Variants in EFR3A observed in about 807,000 individuals in gnomAD.
EFR3A encodes the protein protein EFR3 homolog A.
In EFR3A, 76 loss-of-function variants were observed where a neutral mutation model predicts 104.4. That is an observed-to-expected ratio of 0.73 (90% confidence interval 0.60 to 0.88). The LOEUF (loss-of-function observed/expected upper bound fraction) is 0.88, where lower values mean the gene tolerates loss of function less well. Among genes scored for constraint, EFR3A ranks in the 40% least tolerant of loss-of-function variants. The probability of loss-of-function intolerance (pLI) is 0.00; values close to 1 mark genes in which losing one functional copy is unlikely to be tolerated. For missense variants in EFR3A, 985 were observed against 1,012.5 expected (o/e 0.97, Z 0.37); for synonymous variants, 330 against 330.0 (o/e 1.00, Z 0.00).
At position 131,970,625 on chromosome 8, in the gene EFR3A, G is replaced by C; in HGVS notation, c.1141G>C (p.Ala381Pro). 6.2e-7 allele frequency: 1 copy of C among 1,613,432 alleles called. No homozygotes were observed. Among genetic ancestry groups the C allele is most frequent in the Non-Finnish European group, 8.5e-7 (1 of 1,179,642 alleles). ...KDNDEKIVQN[A>P]IIQTIGFFGS... is the part of the protein sequence containing the mutation. ...CAATGATGAGAAGATTGTGCAGAAT[G>C]CTATCATCCAAACAATAGGTGAGTA... is the stretch of plus-strand genomic sequence containing the variant. Residue 381 changes from alanine (A) to proline (P), a missense_variant, in exon 10 of 23, where the codon GCT becomes CCT. By Grantham distance (27) the Ala-to-Pro change is conservative. Coordinates refer to ENST00000254624, the MANE Select transcript of EFR3A (RefSeq NM_015137.6).
At chr8:131,981,181 TTATGCAATGACATTA>T (rs1457196281) in intron 14 of EFR3A, among the ~76,000 whole-genome samples, 6 of 152,026 alleles carry the variant, frequency 3.9e-5, no homozygotes, top group Non-Finnish European at 7.4e-5. Context: ...GTTTTTGACT[TTATGCAATGACATTA>T]AACAGTCATG....
intron 5 of EFR3A, among the ~76,000 whole-genome samples, chr8:131,950,679 C>T (rs1490729345): frequency 6.6e-6 from 1 of 152,094 alleles, no homozygotes; most frequent in Non-Finnish European, 1.5e-5. Context: ...TTGAGGACTG[C>T]AGTATCGCGA....
chr8:131,931,559 A>G (rs1817612683), intron 1 of EFR3A, among the ~76,000 whole-genome samples: 1 of 152,144 alleles, frequency 6.6e-6, no homozygotes, highest in South Asian at 2.1e-4. Flanking sequence ...TACAATCTCA[A>G]TATATATTAG....
chr8:131,938,543 AAG>A (rs1041191761), intron 1 of EFR3A, among the ~76,000 whole-genome samples: 97 of 152,214 alleles, frequency 6.4e-4, no homozygotes, highest in African/African-American at 2.1e-3. Context: ...AGTGGTCAAA[AAG>A]GTATTTTTGT....
chr8:131,996,436 T>C lies in EFR3A; in HGVS notation c.2096T>C (p.Ile699Thr), dbSNP rs762821071. 1.9e-6 allele frequency: 3 copies of C among 1,596,484 alleles called. No homozygotes were observed. Among genetic ancestry groups the C allele is most frequent in the Admixed American group, 3.5e-5 (2 of 56,964 alleles). Reference protein sequence around the residue: ...DEDRLSRRKSIVDTVSIQVDI... With the variant: ...DEDRLSRRKSTVDTVSIQVDI... Reference sequence around the variant, plus strand: ...GATCGACTTTCTAGAAGAAAAAGCATTGTGGACACCGTATCCATTCAGGTG... The same window carrying C: ...GATCGACTTTCTAGAAGAAAAAGCACTGTGGACACCGTATCCATTCAGGTG... Residue 699 changes from isoleucine to threonine, a missense_variant, in exon 19 of 23, where the codon ATT becomes ACT. Coordinates refer to ENST00000254624, the MANE Select transcript of EFR3A (RefSeq NM_015137.6).
At chr8:131,907,061 A>G (rs190972300) in intron 1 of EFR3A, among the ~76,000 whole-genome samples, 6 of 152,320 alleles carry the variant, frequency 3.9e-5, no homozygotes, top group Admixed American at 3.9e-4. Context: ...GGCCCCTATA[A>G]TCAGTAACCA....
Position 131,953,904 on chromosome 8 carries a change from A to G in EFR3A, c.575A>G (p.Gln192Arg), listed in dbSNP as rs1208744961. The G allele has an allele frequency of 2.5e-6, 4 of 1,575,782 alleles. No individual in the cohort carries two copies. The South Asian group carries it at 3.5e-5, about 14-fold the overall frequency. The change falls in exon 6 of 23, where the codon CAG (glutamine) becomes CGG (arginine). Residue 192 changes from glutamine to arginine, a missense_variant. By Grantham distance (43) the Gln-to-Arg change is conservative (BLOSUM62 1). Coordinates refer to ENST00000254624, the MANE Select transcript of EFR3A (RefSeq NM_015137.6). ...CTTCGGGCCACCATTTGGGAACCTC[A>G]GCATATGGATAAGATTGTTCCATCC... is the stretch of plus-strand genomic sequence containing the variant. ...DELRATIWEPQHMDKIVPSLL... is the reference protein window; with the variant it reads ...DELRATIWEPRHMDKIVPSLL...
chr8:131,921,740 A>G (rs191225875), intron 1 of EFR3A, among the ~76,000 whole-genome samples: 28 of 152,256 alleles, frequency 1.8e-4, no homozygotes, highest in Admixed American at 5.2e-4. Flanking sequence ...TTTGTATGTT[A>G]CTATTGAGAT....
chr8:131,989,830 G>A (rs1025737933), intron 18 of EFR3A, among the ~76,000 whole-genome samples: 4 of 152,170 alleles, frequency 2.6e-5, no homozygotes, highest in Non-Finnish European at 4.4e-5. Flanking sequence ...AAAGAATGAT[G>A]ATCTACCTAA....
chr8:131,949,674 T>C (rs1818602564), intron 4 of EFR3A, among the ~76,000 whole-genome samples: 1 of 151,308 alleles, frequency 6.6e-6, no homozygotes, highest in Non-Finnish European at 1.5e-5. Flanking sequence ...ATTAGACAGG[T>C]TTGGTGGTGC....
At chr8:131,988,924 T>G (rs1821028632) in intron 18 of EFR3A, among the ~76,000 whole-genome samples, 1 of 152,182 alleles carries the variant, frequency 6.6e-6, no homozygotes, top group African/African-American at 2.4e-5. Context: ...TTATTTCTTT[T>G]TACCCTGTTC....
At chr8:131,972,719 T>C (rs1471617904) in intron 10 of EFR3A, among the ~76,000 whole-genome samples, 1 of 152,158 alleles carries the variant, frequency 6.6e-6, no homozygotes, top group Non-Finnish European at 1.5e-5. Flanking sequence ...AGTACCTAAT[T>C]TCTAACCTAA....
intron 17 of EFR3A, among the ~76,000 whole-genome samples, 181 bp downstream of exon 17, chr8:131,986,442 G>A (rs1820887075): frequency 6.6e-6 from 1 of 152,036 alleles, no homozygotes; most frequent in South Asian, 2.1e-4. Context: ...GCACATTATG[G>A]ATGTTGACTT....
In EFR3A at chr8:131,984,979, A is replaced by G; in HGVS notation, c.1788A>G (p.Gly596=). The G allele has an allele frequency of 6.2e-7, 1 of 1,613,658 alleles. No homozygotes were observed. The highest frequency in any genetic ancestry group is 8.5e-7 in the Non-Finnish European group (1 of 1,179,666). ...EDNLPMFHRC[G]IMALVAAYLN... ...ATTTGCCAATGTTCCATCGTTGTGG[A>G]ATCATGGCACTGGTTGCAGCATACC... The change falls in exon 16 of 23, where the codon GGA becomes GGG. Residue 596 remains glycine, a synonymous_variant. Transcript: ENST00000254624.
intron 8 of EFR3A, among the ~76,000 whole-genome samples, chr8:131,967,182 A>G (rs2130688418): frequency 6.6e-6 from 1 of 152,336 alleles, no homozygotes; most frequent in Middle Eastern, 3.4e-3. Context: ...CTATTTTAAC[A>G]TAACTTTAAA....
chr8:131,985,386 ACT>A (rs1820822858), intron 16 of EFR3A, among the ~76,000 whole-genome samples: 2 of 152,080 alleles, frequency 1.3e-5, no homozygotes, highest in South Asian at 4.1e-4. Context: ...CTTAAATTAT[ACT>A]CTTTTGTTGT....
intron 19 of EFR3A, 103 bp downstream of exon 19, chr8:131,996,600 A>C (rs781562557): frequency 6.7e-6 from 4 of 593,964 alleles, no homozygotes; most frequent in Non-Finnish European, 8.6e-6. Context: ...ACAACTCTAA[A>C]TTATCCTCAA....
At chr8:131,915,863 CTT>C (rs1586525431) in intron 1 of EFR3A, among the ~76,000 whole-genome samples, 1 of 152,266 alleles carries the variant, frequency 6.6e-6, no homozygotes, top group East Asian at 1.9e-4. Flanking sequence ...GTAATTTTGT[CTT>C]TTATTCACAT....
rs111711705 is a variant in EFR3A at position 131,951,099 on chromosome 8, G to A, written c.488+1009G>A. ...TTTATTTTAAGATAATTAAAGGAAT[G>A]TACAGAAATATAACTAGGTTTTAGT... On this transcript the variant is annotated intron_variant, in intron 5 of 22. Coordinates refer to ENST00000254624, the MANE Select transcript of EFR3A (RefSeq NM_015137.6). 8.7e-3 allele frequency among the ~76,000 whole-genome samples: 1,320 copies of A among 152,206 alleles called. 27 individuals carry two copies. Among genetic ancestry groups the A allele is most frequent in the African/African-American group, 0.03 (1,260 of 41,540 alleles).
Sources: allele counts gnomAD v4.1 joint callset (sites outside exome capture counted in the v4.1 genomes callset), GRCh38; gene constraint gnomAD v4.1.1; transcripts MANE v1.5; gene names NCBI Gene and HGNC (gene_info 2026-07-23, HGNC 2026-07-21).